The following LRP2 variants were observed in gnomAD, a reference collection of about 807,000 sequenced individuals.
LRP2 encodes LDL receptor related protein 2.
In LRP2, 172 loss-of-function variants were observed where a neutral mutation model predicts 531.0. The observed-to-expected ratio is 0.32, with a 90% CI of 0.29 to 0.37. LRP2 has a LOEUF of 0.37. Among genes scored for constraint, LRP2 ranks in the 10% least tolerant of loss-of-function variants. The pLI, the probability that LRP2 is intolerant of heterozygous loss-of-function variation, is 1.00. For missense variants in LRP2, 5,167 were observed against 5,868.3 expected (o/e 0.88, Z 3.90); for synonymous variants, 1,992 against 2,027.6 (o/e 0.98, Z 0.47).
chr2:169,177,783 C>A lies in LRP2; in HGVS notation c.10393+20G>T, dbSNP rs1687255013. Reference sequence around the variant, plus strand: ...CATAACCCAAGGCAACCTTGCCAAACCCCTCAATCACCTACTCACCAATGG... The same window carrying A: ...CATAACCCAAGGCAACCTTGCCAAAACCCTCAATCACCTACTCACCAATGG... On this transcript the variant is annotated intron_variant, in intron 53 of 78. Coordinates refer to ENST00000649046, the MANE Select transcript of LRP2 (RefSeq NM_004525.3). 3 of 1,607,450 alleles carry A rather than the reference C, an allele frequency of 1.9e-6. No individual in the cohort carries two copies. Among genetic ancestry groups the A allele is most frequent in the South Asian group, 1.1e-5 (1 of 90,938 alleles).
chr2:169,325,069 A>T (rs1239578237), intron 1 of LRP2, among the ~76,000 whole-genome samples: 1 of 151,938 alleles, frequency 6.6e-6, no homozygotes, highest in Non-Finnish European at 1.5e-5. Flanking sequence ...CAAAAAAAAA[A>T]AAAAAGAAAG....
At chr2:169,182,738 A>C (rs1331172991) in intron 50 of LRP2, 3 of 451,686 alleles carry the variant, frequency 6.6e-6, no homozygotes, top group Non-Finnish European at 8.8e-6. Flanking sequence ...AACTGCACAG[A>C]GAAACTCTGA....
chr2:169,218,400 A>T (rs143294557), intron 34 of LRP2, among the ~76,000 whole-genome samples: 27 of 152,250 alleles, frequency 1.8e-4, no homozygotes, highest in Middle Eastern at 3.4e-3. Context: ...CCAAGCTGAA[A>T]TGTCACCTCT....
At chr2:169,333,345 G>T (rs975886780) in intron 1 of LRP2, among the ~76,000 whole-genome samples, 3 of 152,012 alleles carry the variant, frequency 2.0e-5, no homozygotes, top group African/African-American at 7.3e-5. Context: ...CCCAGGGCCT[G>T]TTACAGGACC....
At chr2:169,215,701 T>A (rs1368214625) in intron 35 of LRP2, among the ~76,000 whole-genome samples, 2 of 148,072 alleles carry the variant, frequency 1.4e-5, no homozygotes, top group Non-Finnish European at 3.0e-5. Context: ...ATATTCTGTA[T>A]TCTATAAATA....
intron 1 of LRP2, among the ~76,000 whole-genome samples, chr2:169,353,693 C>A (rs1198766823): frequency 6.6e-6 from 1 of 152,106 alleles, no homozygotes; most frequent in Non-Finnish European, 1.5e-5. Flanking sequence ...AATTTCCTGA[C>A]AAAATAAATG....
intron 1 of LRP2, among the ~76,000 whole-genome samples, chr2:169,339,706 T>G (rs1277324955): frequency 2.0e-5 from 3 of 152,230 alleles, no homozygotes; most frequent in Non-Finnish European, 4.4e-5. Flanking sequence ...CTGTTATTAG[T>G]ATCTACAATT....
chr2:169,267,505 A>G (rs1338676995), intron 16 of LRP2, among the ~76,000 whole-genome samples: 1 of 152,202 alleles, frequency 6.6e-6, no homozygotes, highest in African/African-American at 2.4e-5. Flanking sequence ...CTGAATGACT[A>G]CTGGGTAAGC....
At chr2:169,281,695 G>GCAA (rs1402246356) in intron 10 of LRP2, among the ~76,000 whole-genome samples, 4 of 151,948 alleles carry the variant, frequency 2.6e-5, no homozygotes, top group Non-Finnish European at 5.9e-5. Context: ...TCCAGCCTGG[G>GCAA]CAACAGAGCG....
At position 169,208,133 on chromosome 2, in the gene LRP2, T is replaced by C. The variant is rs528153955; in HGVS notation, c.6470-883A>G. On this transcript the variant is annotated intron_variant, in intron 38 of 78. Transcript: ENST00000649046. ...GCCACATAATAAATATTTTAGGCTTTGCAGAGCATATGGTTTCACAAGTAC... is the reference window on the plus strand; with the variant it reads ...GCCACATAATAAATATTTTAGGCTTCGCAGAGCATATGGTTTCACAAGTAC... Among the ~76,000 whole-genome samples, 4 of 152,356 alleles carry C rather than the reference T, an allele frequency of 2.6e-5. 1 individual carries two copies. In the South Asian group the frequency reaches 8.3e-4, roughly 32 times the overall value.
chr2:169,318,911 T>A lies in LRP2; in HGVS notation c.188-27A>T, dbSNP rs377540333. ...TAAAACAAACCAAAAGAGGACTCAT[T>A]ATGGCAATCATCCTCCCCATTATAC... On this transcript the variant is annotated intron_variant, in intron 2 of 78. Transcript: ENST00000649046. 15 of 1,613,672 alleles carry A rather than the reference T, an allele frequency of 9.3e-6. No homozygotes were observed. In the African/African-American group the frequency reaches 2.0e-4, roughly 22 times the overall value.
chr2:169,142,602 G>C (rs908735917), intron 71 of LRP2, 72 bp downstream of exon 71: 28 of 1,601,290 alleles, frequency 1.7e-5, no homozygotes, highest in Non-Finnish European at 2.3e-5. Context: ...AGCATACAGG[G>C]ATTCTTCTGA....
chr2:169,313,821 G>A (rs533570260), intron 3 of LRP2, among the ~76,000 whole-genome samples: 1 of 152,240 alleles, frequency 6.6e-6, no homozygotes. Flanking sequence ...GGCCATCTTG[G>A]AACCTCCCTC....
intron 34 of LRP2, among the ~76,000 whole-genome samples, chr2:169,217,648 T>C (rs1004062845): frequency 6.6e-6 from 1 of 152,164 alleles, no homozygotes; most frequent in Non-Finnish European, 1.5e-5. Context: ...CACAAAACTT[T>C]CGTGAATTCT....
rs760457856 is a variant in LRP2 at position 169,128,712 on chromosome 2, T to A, written c.13919A>T (p.Asp4640Val). ...DPTPTYSATE[D>V]TFKDTANLVK... ...AAGATTTGCGGTGTCTTTAAAAGTG[T>A]CTTCTGTTGCAGAATAGGTTGGAGT... Residue 4640 changes from aspartate (D) to valine (V), a missense_variant, in exon 79 of 79, where the codon GAC becomes GTC. By Grantham distance (152) the Asp-to-Val change is radical. Around this residue, in one of 6 missense-constraint regions of LRP2, gnomAD observed 348 missense variants for 369.3 expected, o/e 0.94. Transcript: ENST00000649046. The A allele has an allele frequency of 3.1e-6, 5 of 1,614,144 alleles. No individual in the cohort carries two copies. In the East Asian group the frequency reaches 1.1e-4, roughly 36 times the overall value.
intron 4 of LRP2, among the ~76,000 whole-genome samples, chr2:169,304,309 C>T (rs1320695039): frequency 6.6e-6 from 1 of 152,162 alleles, no homozygotes; most frequent in Admixed American, 6.5e-5. Flanking sequence ...GAAGAGCAAT[C>T]ACCAGACTTG....
chr2:169,238,244 G>A lies in LRP2; in HGVS notation c.4353C>T (p.Val1451=), dbSNP rs1689677067. Residue 1451 remains valine (V), a synonymous_variant, in exon 27 of 79, where the codon GTC becomes GTT. Transcript: ENST00000649046. ...AATAGATATTGTGGACCTGGGAGGT[G>A]ACACTGTCGGCAATAATTTTGTTCT... ...ASQNKIIADS[V]TSQVHNIYSL... The A allele has an allele frequency of 2.5e-6, 4 of 1,614,146 alleles. No homozygotes were observed. Among genetic ancestry groups the A allele is most frequent in the Non-Finnish European group, 2.5e-6 (3 of 1,179,998 alleles).
intron 35 of LRP2, among the ~76,000 whole-genome samples, chr2:169,215,152 C>T (rs1688732341): frequency 6.6e-6 from 1 of 152,172 alleles, no homozygotes; most frequent in South Asian, 2.1e-4. Context: ...TTTTTAATCT[C>T]CAAAGCTTAC....
intron 1 of LRP2, among the ~76,000 whole-genome samples, chr2:169,336,587 C>T (rs1452095355): frequency 6.6e-6 from 1 of 151,792 alleles, no homozygotes; most frequent in Non-Finnish European, 1.5e-5. Context: ...TGAAATACCC[C>T]ATTGCCATGA....
Sources: gnomAD v4.1 joint callset for allele counts (sites outside exome capture counted in the v4.1 genomes callset) on GRCh38, gnomAD v4.1.1 for gene constraint, gnomAD v4.1.1 regional missense constraint, MANE v1.5 for transcripts, NCBI Gene and HGNC (gene_info 2026-07-23, HGNC 2026-07-21) for gene names.